The following TAFA2 variants were observed in gnomAD, a reference collection of about 807,000 sequenced individuals.
TAFA2 encodes the protein chemokine-like protein TAFA-2.
In TAFA2, 7 loss-of-function variants were observed where a neutral mutation model predicts 18.8. The ratio of observed to expected loss-of-function variants is 0.37; its 90% CI spans 0.21 to 0.70. TAFA2 has a LOEUF of 0.70. Ranked by LOEUF, TAFA2 falls within the 30% of genes least tolerant of loss-of-function variation. TAFA2 has a pLI of 0.53. For missense variants in TAFA2, 122 were observed against 158.1 expected, an observed-to-expected ratio of 0.77 and a Z score of 1.23; for synonymous variants, 60 against 54.2, an observed-to-expected ratio of 1.11 and a Z score of -0.47.
At chr12:61,936,148 A>C (rs1373944110) in intron 1 of TAFA2, among the ~76,000 whole-genome samples, 1 of 152,220 alleles carries the variant, frequency 6.6e-6, no homozygotes, top group Non-Finnish European at 1.5e-5. Context: ...AATGGGTTTC[A>C]TCTCAGGAAT....
At chr12:61,764,317 A>C (rs1462705577) in intron 2 of TAFA2, among the ~76,000 whole-genome samples, 1 of 152,070 alleles carries the variant, frequency 6.6e-6, no homozygotes, top group Non-Finnish European at 1.5e-5. Context: ...ATTATACAAA[A>C]CTGTAAAGAA....
chr12:62,070,322 T>C (rs548332280), intron 1 of TAFA2: 1 of 152,192 alleles, frequency 6.6e-6, no homozygotes, highest in Non-Finnish European at 1.5e-5. Context: ...TGAGAGAGAA[T>C]ATGCTACAAA....
chr12:61,796,337 C>A (rs1182990818), intron 2 of TAFA2, among the ~76,000 whole-genome samples: 1 of 152,010 alleles, frequency 6.6e-6, no homozygotes, highest in Non-Finnish European at 1.5e-5. Flanking sequence ...TATAATACCA[C>A]TGAGAAATGA....
chr12:61,882,892 A>G (rs1468299827), intron 1 of TAFA2, among the ~76,000 whole-genome samples: 2 of 152,186 alleles, frequency 1.3e-5, no homozygotes, highest in African/African-American at 4.8e-5. Context: ...TAAAGGTAAT[A>G]TGACTTGCCT....
intron 1 of TAFA2, among the ~76,000 whole-genome samples, chr12:62,199,554 G>T (rs988847720): frequency 4.6e-5 from 7 of 151,868 alleles, no homozygotes; most frequent in African/African-American, 1.7e-4. Context: ...CCTTTTTACA[G>T]CTACATAGCA....
chr12:62,011,892 A>G (rs1880782760), intron 1 of TAFA2, among the ~76,000 whole-genome samples: 1 of 152,208 alleles, frequency 6.6e-6, no homozygotes, highest in African/African-American at 2.4e-5. Flanking sequence ...AAATAGAGCT[A>G]AAGCTGACTT....
At chr12:61,754,645 G>A (rs1869177250) in intron 3 of TAFA2, among the ~76,000 whole-genome samples, 1 of 149,540 alleles carries the variant, frequency 6.7e-6, no homozygotes, top group African/African-American at 2.5e-5. Context: ...TAATTTAATG[G>A]AACCTCATTA....
intron 2 of TAFA2, among the ~76,000 whole-genome samples, chr12:61,800,949 G>C (rs1389383087): frequency 6.6e-6 from 1 of 152,120 alleles, no homozygotes; most frequent in African/African-American, 2.4e-5. Context: ...CATTCTTCTA[G>C]AGTAAGATAC....
chr12:62,008,067 C>G (rs1229597219), intron 1 of TAFA2, among the ~76,000 whole-genome samples: 1 of 152,108 alleles, frequency 6.6e-6, no homozygotes. Flanking sequence ...TGAGTGAGAT[C>G]ATATGGTATG....
At chr12:61,918,985 C>A (rs971297767) in intron 1 of TAFA2, among the ~76,000 whole-genome samples, 3 of 152,166 alleles carry the variant, frequency 2.0e-5, no homozygotes, top group African/African-American at 7.2e-5. Context: ...ACCATAGTTC[C>A]AATCTCTTTG....
intron 1 of TAFA2, among the ~76,000 whole-genome samples, chr12:62,073,835 A>G (rs1882695282): frequency 6.6e-6 from 1 of 152,356 alleles, no homozygotes; most frequent in Middle Eastern, 3.4e-3. Flanking sequence ...TGCCACGACT[A>G]TACAGATGAA....
intron 1 of TAFA2, among the ~76,000 whole-genome samples, chr12:62,142,851 G>T (rs1335295920): frequency 6.6e-6 from 1 of 152,052 alleles, no homozygotes; most frequent in African/African-American, 2.4e-5. Context: ...GTAACTATTT[G>T]CTGGGCAATG....
chr12:61,911,685 G>A (rs566214916), intron 1 of TAFA2, among the ~76,000 whole-genome samples: 7 of 152,248 alleles, frequency 4.6e-5, no homozygotes, highest in African/African-American at 9.6e-5. Context: ...TACCAGAGAA[G>A]CGGAAAGGAA....
chr12:61,920,696 T>A (rs1483917496), intron 1 of TAFA2, among the ~76,000 whole-genome samples: 2 of 152,148 alleles, frequency 1.3e-5, no homozygotes, highest in African/African-American at 2.4e-5. Context: ...TTAACCTTCC[T>A]TCTGTCAGTT....
intron 1 of TAFA2, among the ~76,000 whole-genome samples, chr12:62,020,757 C>T (rs1411401800): frequency 6.6e-6 from 1 of 152,062 alleles, no homozygotes; most frequent in Admixed American, 6.5e-5. Context: ...CTGAAATGTA[C>T]TGATTGAGCA....
chr12:62,211,123 A>G (rs570582533), intron 1 of TAFA2, among the ~76,000 whole-genome samples: 2 of 152,366 alleles, frequency 1.3e-5, no homozygotes, highest in East Asian at 3.9e-4. Context: ...ATTTAATTGT[A>G]CATAGATAGC....
intron 2 of TAFA2, among the ~76,000 whole-genome samples, chr12:61,765,182 A>C (rs1300136773): frequency 6.6e-6 from 1 of 152,036 alleles, no homozygotes; most frequent in Non-Finnish European, 1.5e-5. Flanking sequence ...GGCTTATAAA[A>C]ACCTCCCACT....
chr12:62,049,271 A>C (rs906657141), intron 1 of TAFA2, among the ~76,000 whole-genome samples: 1 of 152,230 alleles, frequency 6.6e-6, no homozygotes, highest in African/African-American at 2.4e-5. Context: ...ATTTTCTCAA[A>C]GAGTCACCAA....
At chr12:61,976,530 C>G (rs1879440257) in intron 1 of TAFA2, among the ~76,000 whole-genome samples, 1 of 151,456 alleles carries the variant, frequency 6.6e-6, no homozygotes, top group South Asian at 2.1e-4. Flanking sequence ...TATTATAATC[C>G]AAAATTTTTT....
Sources: gnomAD v4.1 joint callset for allele counts (sites outside exome capture counted in the v4.1 genomes callset) on GRCh38, gnomAD v4.1.1 for gene constraint, MANE v1.5 for transcripts, NCBI Gene and HGNC (gene_info 2026-07-23, HGNC 2026-07-21) for gene names.